Variants in LGI2 observed in about 807,000 individuals in gnomAD.
LGI2 encodes the protein leucine-rich repeat LGI family member 2.
LGI2 carries 30 observed loss-of-function variants against 52.0 expected under a neutral mutation model. That is an observed-to-expected ratio of 0.58 (90% CI 0.43 to 0.78). LGI2 has a LOEUF of 0.78. LGI2 is among the 30% of genes least tolerant of loss of function. LGI2 has a pLI of 0.00. For missense variants in LGI2, 573 were observed against 692.5 expected, an observed-to-expected ratio of 0.83 and a Z score of 1.94; for synonymous variants, 270 against 271.8, an observed-to-expected ratio of 0.99 and a Z score of 0.06.
At chr4:25,011,640 G>T (rs1251729544) in intron 7 of LGI2, among the ~76,000 whole-genome samples, 8 of 152,162 alleles carry the variant, frequency 5.3e-5, no homozygotes. Context: ...CCTCTCCTGG[G>T]GTGATAATTA....
rs1285082728 is a variant in LGI2 at position 25,002,783 on chromosome 4, C to T, written c.*668G>A. 1.3e-5 allele frequency: 2 copies of T among 152,684 alleles called. No homozygotes were observed. Among genetic ancestry groups the T allele is most frequent in the African/African-American group, 4.8e-5 (2 of 41,464 alleles). 9.5% of individuals were successfully genotyped at this position (152,684 alleles called of 1,614,324 possible). A position where few individuals can be genotyped will look rare whatever the true frequency, so the allele number is the denominator to read the frequency against. ...TTTGAGTCACTCCTGGGCCTACAGC[C>T]TGTGCTGGGTCTAGACATGTGTCAC... is the stretch of plus-strand genomic sequence containing the variant. On this transcript the variant is annotated 3_prime_UTR_variant, in exon 8 of 8. Coordinates refer to ENST00000382114, the MANE Select transcript of LGI2 (RefSeq NM_018176.4).
In LGI2 at chr4:25,018,116, C is replaced by T. The variant is rs760966965; in HGVS notation, c.528G>A (p.Lys176=). 13 of 1,610,312 alleles carry T rather than the reference C, an allele frequency of 8.1e-6. No homozygotes were observed. In the Admixed American group the frequency reaches 1.5e-4, roughly 19 times the overall value. ...GNKFECDCKA[K]WLYLWLKMTN... is the part of the protein sequence containing the mutation. ...TCATCTTCAACCACAGGTATAGCCA[C>T]TTGGCTTTGCAGTCACATTCAAATT... is the stretch of plus-strand genomic sequence containing the variant. The change falls in exon 6 of 8, where the codon AAG becomes AAA. Residue 176 remains lysine, a synonymous_variant. Transcript: ENST00000382114.
At chr4:25,019,580 C>A (rs1161526617) in intron 4 of LGI2, among the ~76,000 whole-genome samples, 1 of 152,240 alleles carries the variant, frequency 6.6e-6, no homozygotes, top group Non-Finnish European at 1.5e-5. Flanking sequence ...CTAGGAGACC[C>A]CATCTCATCG....
rs139853874 is a variant in LGI2 at position 25,028,583 on chromosome 4, G to A, written c.198-5C>T. ...AACGTCCCATTTACCAGGCTCCTAC[G>A]GGCAAAAGATGAACAAAAGTAGGCC... On this transcript the variant is annotated splice_polypyrimidine_tract_variant and splice_region_variant and intron_variant, in intron 1 of 7. Coordinates refer to ENST00000382114, the MANE Select transcript of LGI2 (RefSeq NM_018176.4). The A allele has an allele frequency of 2.5e-4, 399 of 1,610,812 alleles. 1 individual carries two copies. In the African/African-American group the frequency reaches 4.0e-3, roughly 16 times the overall value.
In LGI2 at chr4:25,030,659, C is replaced by G. The variant is rs762666194; in HGVS notation, c.35G>C (p.Gly12Ala). 6.5e-7 allele frequency: 1 copy of G among 1,527,400 alleles called. No homozygotes were observed. The highest frequency in any genetic ancestry group is 8.8e-7 in the Non-Finnish European group (1 of 1,139,314). 94.6% of individuals were successfully genotyped at this position (1,527,400 alleles called of 1,614,324 possible). ...ALRRGGCGALGLLLLLLGAAC... is the reference protein window; with the variant it reads ...ALRRGGCGALALLLLLLGAAC... ...GGCGCCCAGCAGCAGCAGCAGCAGC[C>G]CGAGCGCTCCGCAGCCGCCTCTCCG... is the stretch of plus-strand genomic sequence containing the variant. The change falls in exon 1 of 8, where the codon GGG becomes GCG. Residue 12 changes from glycine to alanine, a missense_variant. Gly to Ala is a moderately conservative substitution (Grantham distance 60). Transcript: ENST00000382114.
intron 7 of LGI2, among the ~76,000 whole-genome samples, chr4:25,007,398 AG>A (rs1183393229): frequency 6.6e-6 from 1 of 152,152 alleles, no homozygotes; most frequent in Non-Finnish European, 1.5e-5. Flanking sequence ...ACTAATTGAG[AG>A]GGCAGGCTCC....
chr4:25,028,464 C>A, intron 2 of LGI2, 43 bp downstream of exon 2: 1 of 1,583,822 alleles, frequency 6.3e-7, no homozygotes, highest in Non-Finnish European at 8.6e-7. Flanking sequence ...AAGGATGGCA[C>A]CTCAGGGCCC....
At position 25,003,785 on chromosome 4, in the gene LGI2, G is replaced by C; in HGVS notation, c.1304C>G (p.Ser435Cys). 6.2e-7 allele frequency: 1 copy of C among 1,614,200 alleles called. No individual in the cohort carries two copies. The highest frequency in any genetic ancestry group is 8.5e-7 in the Non-Finnish European group (1 of 1,180,034). Residue 435 changes from serine to cysteine, a missense_variant, in exon 8 of 8, where the codon TCC (serine) becomes TGC (cysteine). Coordinates refer to ENST00000382114, the MANE Select transcript of LGI2 (RefSeq NM_018176.4). ...SFRMQNTLYL[S>C]LTRFIGDSRV... ...GGAGTCCCCGATGAAGCGGGTAAGG[G>C]AAAGGTAGAGGGTATTTTGCATTCG...
At chr4:25,008,177 G>C (rs1381247499) in intron 7 of LGI2, among the ~76,000 whole-genome samples, 1 of 152,188 alleles carries the variant, frequency 6.6e-6, no homozygotes, top group Non-Finnish European at 1.5e-5. Context: ...CATGCAAGTT[G>C]TGGAGCAGTT....
chr4:25,026,016 A>G (rs1394799023), intron 3 of LGI2, among the ~76,000 whole-genome samples: 2 of 152,174 alleles, frequency 1.3e-5, no homozygotes, highest in Admixed American at 6.5e-5. Flanking sequence ...TTATGCGAAT[A>G]CACATATTAT....
chr4:24,997,673 T>A (rs924586306), downstream of LGI2, among the ~76,000 whole-genome samples: 2 of 152,210 alleles, frequency 1.3e-5, no homozygotes, highest in Non-Finnish European at 2.9e-5. Context: ...GCATTCATAC[T>A]GTTTGGTTGA....
rs146896644 is a variant in LGI2, at chr4:25,007,436, T to C, written c.821-3168A>G. Among the ~76,000 whole-genome samples the C allele has an allele frequency of 2.6e-3, 401 of 152,268 alleles. 3 individuals carry two copies. The highest frequency in any genetic ancestry group is 9.3e-3 in the African/African-American group (386 of 41,530). On this transcript the variant is annotated intron_variant, in intron 7 of 7. Coordinates refer to ENST00000382114, the MANE Select transcript of LGI2 (RefSeq NM_018176.4). The stretch of plus-strand genomic sequence containing the variant: ...CGTCCCCTTCTTGAGCACCTGGCTA[T>C]GGAGGCTACCACCCCCTAGAAGTGT...
At chr4:25,012,589 C>G in intron 6 of LGI2, 90 bp from the exon 7 acceptor site, 1 of 1,343,070 alleles carries the variant, frequency 7.4e-7, no homozygotes, top group South Asian at 1.3e-5. Flanking sequence ...CACATCAGCT[C>G]TGAAAAGGAC....
chr4:25,000,063 A>C lies in LGI2; in HGVS notation c.*3388T>G, dbSNP rs7670138. 134,656 of 283,676 alleles carry C rather than the reference A, an allele frequency of 0.47. 33,491 individuals are homozygous for C. Among genetic ancestry groups the C allele is most frequent in the East Asian group, 0.76 (6,989 of 9,140 alleles). The allele number at this position is 283,676 out of a possible 1,614,324, so 17.6% of individuals were successfully genotyped here. On this transcript the variant is annotated 3_prime_UTR_variant, in exon 8 of 8. Transcript: ENST00000382114. ...GACCACTTTCAAGAGTGGGGCCTTGAATGTAAAAAGAGTGGGGCATGCAAT... is the reference window on the plus strand; with the variant it reads ...GACCACTTTCAAGAGTGGGGCCTTGCATGTAAAAAGAGTGGGGCATGCAAT...
chr4:24,992,540 C>G, the LGI2 span, among the ~76,000 whole-genome samples: 2 of 151,610 alleles, frequency 1.3e-5, no homozygotes, highest in Non-Finnish European at 2.9e-5. Flanking sequence ...ATAGTGAAAC[C>G]CCATCTCTAC....
At chr4:25,015,209 G>A (rs16876601) in intron 6 of LGI2, among the ~76,000 whole-genome samples, 22,359 of 152,134 alleles carry the variant, frequency 0.15, 1,723 homozygotes, top group East Asian at 0.19. Context: ...TATACATGAC[G>A]CCGATCCTTC....
rs1299142123 is a variant in LGI2, at chr4:25,003,433, G to C, written c.*18C>G. On this transcript the variant is annotated 3_prime_UTR_variant, in exon 8 of 8. Transcript: ENST00000382114. ...GAGAGCTAATGCTACATTTCTCTTA[G>C]TTTCACCCACCACACCTTCACAAAC... 1 of 1,518,644 alleles carries C rather than the reference G, an allele frequency of 6.6e-7. No individual in the cohort carries two copies. Among genetic ancestry groups the C allele is most frequent in the Non-Finnish European group, 8.9e-7 (1 of 1,127,082 alleles). The allele number at this position is 1,518,644 out of a possible 1,614,324, so 94.1% of individuals were successfully genotyped here. A position where few individuals can be genotyped will look rare whatever the true frequency, so the allele number is the denominator to read the frequency against.
intron 1 of LGI2, among the ~76,000 whole-genome samples, chr4:25,030,038 G>A (rs771390510): frequency 5.3e-5 from 8 of 152,230 alleles, no homozygotes; most frequent in Non-Finnish European, 1.0e-4. Flanking sequence ...ACTCAGTCAG[G>A]TCGTGTTCAG....
At chr4:25,010,046 C>T (rs191119754) in intron 7 of LGI2, among the ~76,000 whole-genome samples, 1 of 152,158 alleles carries the variant, frequency 6.6e-6, no homozygotes, top group African/African-American at 2.4e-5. Flanking sequence ...AAGAATGCCA[C>T]CAGCTGCAGT....
Sources: allele counts gnomAD v4.1 joint callset (sites outside exome capture counted in the v4.1 genomes callset), GRCh38; gene constraint gnomAD v4.1.1; transcripts MANE v1.5; gene names NCBI Gene and HGNC (gene_info 2026-07-23, HGNC 2026-07-21).